KLF13: variants seen among roughly 807,000 people sequenced by gnomAD.
KLF13 encodes Krueppel-like factor 13.
Under a neutral mutation model 16.7 loss-of-function variants are expected in KLF13, and 8 were observed. The ratio of observed to expected loss-of-function variants is 0.48; its 90% CI spans 0.28 to 0.87. KLF13 has a LOEUF of 0.87. Among genes scored for constraint, KLF13 ranks in the 40% least tolerant of loss-of-function variants. The probability of loss-of-function intolerance (pLI) is 0.10; values close to 1 mark genes in which losing one functional copy is unlikely to be tolerated. For missense variants in KLF13, 447 were observed against 452.2 expected (o/e 0.99, Z 0.10); for synonymous variants, 245 against 208.4 (o/e 1.18, Z -1.51).
chr15:31,365,096 A>G (rs1300502341), intron 1 of KLF13, among the ~76,000 whole-genome samples: 5 of 152,214 alleles, frequency 3.3e-5, no homozygotes, highest in Non-Finnish European at 7.3e-5. Flanking sequence ...AAGTGGCCCC[A>G]AACCAGTGCC....
intron 1 of KLF13, among the ~76,000 whole-genome samples, chr15:31,337,206 C>CA (rs1190514006): frequency 4.3e-4 from 65 of 152,354 alleles, no homozygotes; most frequent in African/African-American, 1.5e-3. Context: ...GGCAGGGACT[C>CA]AGATTCCCTC....
In KLF13 at chr15:31,327,421, A is replaced by G. The variant is rs2140924512; in HGVS notation, c.209A>G (p.Asp70Gly). 2 of 1,251,128 alleles carry G rather than the reference A, an allele frequency of 1.6e-6. No homozygotes were observed. Among genetic ancestry groups the G allele is most frequent in the Admixed American group, 8.4e-5 (2 of 23,806 alleles). 77.5% of individuals were successfully genotyped at this position (1,251,128 alleles called of 1,614,324 possible). ...TTCGTGGTGGCGCGGATCCTAGCGG[A>G]CCTCAACCAGCAAGCGCCGGCGCCC... ...SLFVVARILA[D>G]LNQQAPAPAP... Residue 70 changes from aspartate (D) to glycine (G), a missense_variant, in exon 1 of 2, where the codon GAC becomes GGC. Transcript: ENST00000307145.
intron 1 of KLF13, among the ~76,000 whole-genome samples, chr15:31,419,127 G>C (rs2040290516): frequency 6.6e-6 from 1 of 152,074 alleles, no homozygotes; most frequent in African/African-American, 2.4e-5. Context: ...CCCAGAAAAG[G>C]CTTGAGAGGC....
intron 1 of KLF13, among the ~76,000 whole-genome samples, chr15:31,413,734 A>G (rs903517873): frequency 2.0e-5 from 3 of 152,212 alleles, no homozygotes; most frequent in Non-Finnish European, 2.9e-5. Flanking sequence ...TACTAAAAAA[A>G]ATTCTTCAGG....
chr15:31,404,637 C>G (rs1019704977), exon 3 of KLF13: 2 of 152,218 alleles, frequency 1.3e-5, no homozygotes, highest in African/African-American at 4.8e-5. Context: ...AAGCTGGCCA[C>G]CCTCCAGTCA....
downstream of KLF13, among the ~76,000 whole-genome samples, chr15:31,409,284 C>A (rs918136938): frequency 1.3e-5 from 2 of 151,688 alleles, no homozygotes; most frequent in African/African-American, 2.4e-5. Context: ...GACTCTAACT[C>A]AAAAAAACCC....
rs1318307246 is a variant in KLF13, at chr15:31,373,193, G to C, written c.*894G>C. On this transcript the variant is annotated 3_prime_UTR_variant, in exon 2 of 2. Transcript: ENST00000307145. The stretch of plus-strand genomic sequence containing the variant: ...ATGGGGAATTCTGGTCTTCTAAAAA[G>C]ATGTTAGAAATTCCTGGTGGCACAT... 1 of 152,280 alleles carries C rather than the reference G, an allele frequency of 6.6e-6. No individual in the cohort carries two copies. Among genetic ancestry groups the C allele is most frequent in the Non-Finnish European group, 1.5e-5 (1 of 68,058 alleles). The allele number at this position is 152,280 out of a possible 1,614,324, so 9.4% of individuals were successfully genotyped here. A position where few individuals can be genotyped will look rare whatever the true frequency, so the allele number is the denominator to read the frequency against.
intron 1 of KLF13, among the ~76,000 whole-genome samples, chr15:31,421,148 A>G (rs554880600): frequency 2.0e-5 from 3 of 146,476 alleles, no homozygotes; most frequent in East Asian, 4.0e-4. Flanking sequence ...TGTGATGTAT[A>G]TTAAATAAAT....
chr15:31,385,809 A>G (rs201520095), intron 1 of KLF13, among the ~76,000 whole-genome samples: 49 of 152,344 alleles, frequency 3.2e-4, no homozygotes, highest in East Asian at 2.3e-3. Context: ...GTTCAAGTGA[A>G]GGGAAGAGTC....
At chr15:31,351,406 A>G (rs1278642501) in intron 1 of KLF13, among the ~76,000 whole-genome samples, 1 of 152,086 alleles carries the variant, frequency 6.6e-6, no homozygotes, top group African/African-American at 2.4e-5. Flanking sequence ...TCTGTTCTAC[A>G]TTTTCCTGCT....
chr15:31,327,366 C>G lies in KLF13; in HGVS notation c.154C>G (p.Arg52Gly). 1 of 1,286,098 alleles carries G rather than the reference C, an allele frequency of 7.8e-7. No homozygotes were observed. The highest frequency in any genetic ancestry group is 2.2e-5 in the South Asian group (1 of 45,536). The allele number at this position is 1,286,098 out of a possible 1,614,324, so 79.7% of individuals were successfully genotyped here. ...CCCCACGCTGCCCCGCGTCGAGGAG[C>G]GCCGCGACGGTAAGGACAGCGCCTC... ...ATPTLPRVEERRDGKDSASLF... is the reference protein window; with the variant it reads ...ATPTLPRVEEGRDGKDSASLF... Residue 52 changes from arginine to glycine, a missense_variant, in exon 1 of 2, where the codon CGC becomes GGC. Physicochemically the swap from Arg to Gly is moderately radical, Grantham distance 125. Transcript: ENST00000307145.
intron 1 of KLF13, among the ~76,000 whole-genome samples, chr15:31,365,628 C>G (rs1281948929): frequency 6.6e-6 from 1 of 150,596 alleles, no homozygotes; most frequent in Non-Finnish European, 1.5e-5. Context: ...GGGGCCCACT[C>G]ACCTGTGGGG....
intron 1 of KLF13, among the ~76,000 whole-genome samples, chr15:31,336,080 CCCCG>C (rs1468365924): frequency 6.6e-6 from 1 of 152,238 alleles, no homozygotes; most frequent in Non-Finnish European, 1.5e-5. Context: ...CGAGCTTCTC[CCCCG>C]ACCCCAGCGT....
chr15:31,386,602 G>T (rs2039799443), intron 1 of KLF13, among the ~76,000 whole-genome samples: 1 of 152,250 alleles, frequency 6.6e-6, no homozygotes, highest in Non-Finnish European at 1.5e-5. Context: ...TTATCCAGAA[G>T]ATCTAGCCAA....
At chr15:31,431,472 A>AT (rs895751067) in intron 1 of KLF13, among the ~76,000 whole-genome samples, 67 of 148,766 alleles carry the variant, frequency 4.5e-4, no homozygotes, top group South Asian at 3.2e-3. Context: ...ACATGGTTAA[A>AT]TTTTTTTTTT....
chr15:31,399,723 G>A (rs1479157527), intron 2 of KLF13, among the ~76,000 whole-genome samples: 1 of 152,252 alleles, frequency 6.6e-6, no homozygotes, highest in Non-Finnish European at 1.5e-5. Flanking sequence ...CCAGGGTGGG[G>A]TCGCTGTGGG....
intron 2 of KLF13, among the ~76,000 whole-genome samples, chr15:31,394,442 G>A (rs2039925468): frequency 1.3e-5 from 2 of 151,766 alleles, no homozygotes; most frequent in Non-Finnish European, 2.9e-5. Flanking sequence ...AGCCCAGATT[G>A]GGCCACTGCC....
intron 1 of KLF13, among the ~76,000 whole-genome samples, chr15:31,335,435 A>ATGTG (rs71110867): frequency 0.048 from 1,661 of 34,838 alleles, 28 homozygotes; most frequent in Non-Finnish European, 0.061. Context: ...GTGTGTGTGT[A>ATGTG]TGTGTGTGTG....
downstream of KLF13, among the ~76,000 whole-genome samples, chr15:31,408,354 T>C (rs1595505145): frequency 1.3e-5 from 2 of 152,274 alleles, no homozygotes; most frequent in East Asian, 1.9e-4. Flanking sequence ...AGGTCACTTC[T>C]CCCCTATCCC....
Sources: gnomAD v4.1 joint callset for allele counts (sites outside exome capture counted in the v4.1 genomes callset) on GRCh38, gnomAD v4.1.1 for gene constraint, MANE v1.5 for transcripts, NCBI Gene and HGNC (gene_info 2026-07-23, HGNC 2026-07-21) for gene names.